TRMT44: variants seen among roughly 807,000 people sequenced by gnomAD.
TRMT44 encodes the protein tRNA methyltransferase 44 homolog, also known as probable tRNA (uracil-O(2)-)-methyltransferase.
Under a neutral mutation model 77.3 loss-of-function variants are expected in TRMT44, and 78 were observed. The ratio of observed to expected loss-of-function variants is 1.01; its 90% CI spans 0.84 to 1.22. TRMT44 has a LOEUF of 1.22. TRMT44 is among the 50% of genes most tolerant of loss of function. TRMT44 has a pLI of 0.00. For synonymous variants in TRMT44, 391 were observed against 383.3 expected (o/e 1.02, Z -0.23); for missense variants, 1,090 against 964.4 (o/e 1.13, Z -1.73).
chr4:8,465,521 A>C lies in TRMT44; in HGVS notation c.1454A>C (p.His485Pro), dbSNP rs746998971. The C allele has an allele frequency of 1.2e-6, 2 of 1,613,922 alleles. No individual in the cohort carries two copies. The highest frequency in any genetic ancestry group is 2.2e-5 in the South Asian group (2 of 91,034). ...IKEVGFTCGF[H>P]VDEDCLRIPS... ...GAAGTGGGCTTCACCTGTGGGTTTCACGTGGACGAAGACTGCCTCAGGATT... is the reference window on the plus strand; with the variant it reads ...GAAGTGGGCTTCACCTGTGGGTTTCCCGTGGACGAAGACTGCCTCAGGATT... The change falls in exon 8 of 11, where the codon CAC (histidine) becomes CCC (proline). Residue 485 changes from histidine to proline, a missense_variant. Transcript: ENST00000389737.
chr4:8,471,293 C>A, intron 10 of TRMT44, 93 bp downstream of exon 10: 1 of 862,308 alleles, frequency 1.2e-6, no homozygotes, highest in Non-Finnish European at 1.7e-6. Context: ...TTTAGACTCA[C>A]TGAAGAATCT....
chr4:8,504,761 G>A, the TRMT44 span, among the ~76,000 whole-genome samples: 4 of 152,148 alleles, frequency 2.6e-5, no homozygotes, highest in African/African-American at 9.7e-5. This position sits in a 1 kb window ranked among gnomAD's most constrained non-coding sequence, Gnocchi z 5.3. Flanking sequence ...CAGGCACCCT[G>A]GCTGCACCTG....
At chr4:8,460,592 C>T (rs1429994417) in intron 6 of TRMT44, among the ~76,000 whole-genome samples, 1 of 151,742 alleles carries the variant, frequency 6.6e-6, no homozygotes, top group Non-Finnish European at 1.5e-5. Flanking sequence ...GAACTATCAC[C>T]CAGGCTGGAG....
chr4:8,485,400 G>A (rs1031284730), intron 2 of TRMT44, among the ~76,000 whole-genome samples: 32 of 152,200 alleles, frequency 2.1e-4, no homozygotes, highest in Non-Finnish European at 4.3e-4. Flanking sequence ...AGACTTGTCC[G>A]GTTTTTGGAC....
At chr4:8,487,087 C>T (rs1439791167) in intron 2 of TRMT44, among the ~76,000 whole-genome samples, 1 of 152,134 alleles carries the variant, frequency 6.6e-6, no homozygotes. Context: ...ACGTCAGGCA[C>T]ATCAGACTGT....
At chr4:8,464,466 T>A (rs1488857167) in intron 7 of TRMT44, among the ~76,000 whole-genome samples, 1 of 152,194 alleles carries the variant, frequency 6.6e-6, no homozygotes, top group Non-Finnish European at 1.5e-5. Context: ...AAAGGGGAAA[T>A]CTACCCATCG....
chr4:8,484,966 G>A (rs551063444), intron 2 of TRMT44, among the ~76,000 whole-genome samples: 2 of 152,322 alleles, frequency 1.3e-5, no homozygotes, highest in South Asian at 2.1e-4. Flanking sequence ...GGGGATACCC[G>A]ATATCCTTTG....
At chr4:8,458,432 A>G (rs1579057638) in intron 6 of TRMT44, among the ~76,000 whole-genome samples, 1 of 143,224 alleles carries the variant, frequency 7.0e-6, no homozygotes, top group Non-Finnish European at 1.5e-5. Context: ...TGAATAGTAA[A>G]TTTTCTCTTT....
the TRMT44 span, among the ~76,000 whole-genome samples, chr4:8,511,243 C>A: frequency 3.9e-5 from 6 of 152,320 alleles, no homozygotes; most frequent in African/African-American, 1.4e-4. Flanking sequence ...TGAAAACACA[C>A]ACAGTCTGAA....
chr4:8,505,521 TG>T, the TRMT44 span, among the ~76,000 whole-genome samples: 7 of 152,136 alleles, frequency 4.6e-5, no homozygotes, highest in Non-Finnish European at 1.0e-4. Context: ...GCAGCCGGTG[TG>T]GGGGGCATGA....
At chr4:8,489,862 G>C (rs1284897168) in intron 2 of TRMT44, among the ~76,000 whole-genome samples, 2 of 152,198 alleles carry the variant, frequency 1.3e-5, no homozygotes, top group Non-Finnish European at 2.9e-5. Context: ...GACTGGGGGA[G>C]GAGAGGAGTC....
intron 1 of TRMT44, among the ~76,000 whole-genome samples, chr4:8,442,025 C>T (rs531506184): frequency 6.6e-6 from 1 of 152,346 alleles, no homozygotes; most frequent in East Asian, 1.9e-4. Context: ...TTATCTTTAA[C>T]TTGTCGGAGA....
the TRMT44 span, among the ~76,000 whole-genome samples, chr4:8,504,433 C>T: frequency 1.3e-5 from 2 of 152,216 alleles, no homozygotes; most frequent in South Asian, 4.2e-4. This position sits in a 1 kb window ranked among gnomAD's most constrained non-coding sequence, Gnocchi z 5.3. Context: ...CCAGCTCCAG[C>T]TTTTCAGCCA....
chr4:8,453,780 G>C (rs963187307), intron 5 of TRMT44: 1 of 152,270 alleles, frequency 6.6e-6, no homozygotes, highest in African/African-American at 2.4e-5. Context: ...CTTCCTGCTA[G>C]GGGGCAACAG....
At chr4:8,496,237 G>A (rs1325724431), downstream of TRMT44, among the ~76,000 whole-genome samples, 5 of 152,214 alleles carry the variant, frequency 3.3e-5, no homozygotes, top group Admixed American at 6.5e-5. Context: ...ACTGTGGAGT[G>A]TACTTTTGTT....
chr4:8,471,116 C>G lies in TRMT44; in HGVS notation c.1960C>G (p.Leu654Val). 6.2e-7 allele frequency: 1 copy of G among 1,606,464 alleles called. No individual in the cohort carries two copies. Among genetic ancestry groups the G allele is most frequent in the Non-Finnish European group, 8.5e-7 (1 of 1,176,502 alleles). Residue 654 changes from leucine (L) to valine (V), a missense_variant, in exon 10 of 11, where the codon CTG becomes GTG. Transcript: ENST00000389737. ...SLSLAEVANE[L>V]DTETLRRLKR... ...ATCTCTGGCAGAAGTAGCCAACGAG[C>G]TGGACACGGAGACCCTGCGGAGGCT...
At chr4:8,462,662 G>A (rs10008186) in intron 6 of TRMT44, among the ~76,000 whole-genome samples, 18,074 of 151,832 alleles carry the variant, frequency 0.12, 1,323 homozygotes, top group South Asian at 0.2. Flanking sequence ...CCGAGATCGC[G>A]CCACTGCACT....
chr4:8,459,373 C>G (rs145006003), intron 6 of TRMT44, among the ~76,000 whole-genome samples: 1 of 152,128 alleles, frequency 6.6e-6, no homozygotes, highest in Non-Finnish European at 1.5e-5. Context: ...TACCATAATC[C>G]GCACAACAGC....
At position 8,449,733 on chromosome 4, in the gene TRMT44, C is replaced by A. The variant is rs61739067; in HGVS notation, c.799C>A (p.Pro267Thr). Residue 267 changes from proline to threonine, a missense_variant, in exon 3 of 11, where the codon CCC (proline) becomes ACC (threonine). By Grantham distance (38) the Pro-to-Thr change is conservative (BLOSUM62 -1). Transcript: ENST00000389737. ...WHSDGIVYPK[P>T]TWLGEELLAK... ...TTCAGATGGAATCGTGTATCCCAAA[C>A]CCACGTGGCTTGGAGAAGAGTTGCT... The A allele has an allele frequency of 0.034, 52,226 of 1,535,988 alleles. 996 individuals carry two copies. The highest frequency in any genetic ancestry group is 0.047 in the Middle Eastern group (281 of 5,990).
Sources: gnomAD v4.1 joint callset for allele counts (sites outside exome capture counted in the v4.1 genomes callset) on GRCh38, gnomAD v4.1.1 for gene constraint, Gnocchi (gnomAD v3.1) non-coding constraint, MANE v1.5 for transcripts, NCBI Gene and HGNC (gene_info 2026-07-23, HGNC 2026-07-21) for gene names.